MYO18B: variants seen among roughly 807,000 people sequenced by gnomAD.
MYO18B encodes myosin XVIIIB, also known as unconventional myosin-XVIIIb.
A neutral mutation model predicts 273.0 loss-of-function variants in MYO18B; 204 were observed. The ratio of observed to expected loss-of-function variants is 0.75; its 90% CI spans 0.67 to 0.84. The LOEUF (loss-of-function observed/expected upper bound fraction) is 0.84, where lower values mean the gene tolerates loss of function less well. Among genes scored for constraint, MYO18B ranks in the 40% least tolerant of loss-of-function variants. The pLI is 0.00. For synonymous variants in MYO18B, 1,330 were observed against 1,305.7 expected (o/e 1.02, Z -0.40); for missense variants, 3,212 against 3,287.6 (o/e 0.98, Z 0.56).
At chr22:25,879,011 A>G (rs1437598176) in intron 25 of MYO18B, among the ~76,000 whole-genome samples, 1 of 152,284 alleles carries the variant, frequency 6.6e-6, no homozygotes, top group African/African-American at 2.4e-5. Flanking sequence ...ACAGAACAGT[A>G]GGTGAATATG....
chr22:25,997,500 A>C (rs1381214099), intron 40 of MYO18B, among the ~76,000 whole-genome samples: 1 of 152,092 alleles, frequency 6.6e-6, no homozygotes, highest in African/African-American at 2.4e-5. Flanking sequence ...CCTAATTCTC[A>C]GCAGGCCTTG....
Position 25,809,749 on chromosome 22 carries a change from C to T in MYO18B, c.2521+11652C>T, listed in dbSNP as rs565558893. The stretch of plus-strand genomic sequence containing the variant: ...AGTCCCACACAGAACTGGGATACCC[C>T]GACACCAGTAGCAAGGACGGTCCAT... On this transcript the variant is annotated intron_variant, in intron 12 of 43. Transcript: ENST00000335473. Among the ~76,000 whole-genome samples, 11 of 152,142 alleles carry T rather than the reference C, an allele frequency of 7.2e-5. No homozygotes were observed. In the South Asian group the frequency reaches 2.1e-3, roughly 29 times the overall value.
At chr22:25,835,261 C>G (rs1326029862) in intron 16 of MYO18B, 35 bp from the exon 17 acceptor site, 12 of 1,603,724 alleles carry the variant, frequency 7.5e-6, no homozygotes, top group Non-Finnish European at 1.0e-5. Context: ...TGATGGGTAT[C>G]AGGGCCCTTC....
intron 34 of MYO18B, among the ~76,000 whole-genome samples, chr22:25,934,588 A>T (rs188689057): frequency 6.6e-6 from 1 of 152,178 alleles, no homozygotes; most frequent in African/African-American, 2.4e-5. Flanking sequence ...GCTTGGTTTT[A>T]TACATTTTAG....
intron 27 of MYO18B, among the ~76,000 whole-genome samples, chr22:25,892,842 G>A (rs1007024514): frequency 4.6e-5 from 7 of 152,154 alleles, no homozygotes; most frequent in Admixed American, 1.3e-4. Context: ...GACAGTCTCT[G>A]GCCTTGGAGG....
chr22:25,751,472 C>T (rs6004753), intron 1 of MYO18B, among the ~76,000 whole-genome samples: 6,970 of 152,258 alleles, frequency 0.046, 518 homozygotes, highest in African/African-American at 0.15. Context: ...ACATAGGGCA[C>T]GTCTGAGGCT....
chr22:25,902,748 G>T lies in MYO18B; in HGVS notation c.4947+12G>T. ...AGCAGCAGCTGAAGGTAAGGGATGG[G>T]GGACACAGAGCTATCTTGGCTCTTG... On this transcript the variant is annotated intron_variant, in intron 30 of 43. Coordinates refer to ENST00000335473, the MANE Select transcript of MYO18B (RefSeq NM_032608.7). 1 of 1,571,094 alleles carries T rather than the reference G, an allele frequency of 6.4e-7. No individual in the cohort carries two copies. The highest frequency in any genetic ancestry group is 1.2e-5 in the South Asian group (1 of 85,338).
At chr22:25,911,787 A>T (rs1028503698) in intron 33 of MYO18B, among the ~76,000 whole-genome samples, 1 of 152,164 alleles carries the variant, frequency 6.6e-6, no homozygotes, top group African/African-American at 2.4e-5. Context: ...CACTACTGAG[A>T]ACTGTTGCTG....
intron 40 of MYO18B, among the ~76,000 whole-genome samples, chr22:26,001,632 A>C (rs939033481): frequency 1.3e-5 from 2 of 152,216 alleles, no homozygotes; most frequent in African/African-American, 4.8e-5. Flanking sequence ...AAGCCATGGG[A>C]TAGGGAACCC....
chr22:25,891,480 A>G, intron 27 of MYO18B, 68 bp downstream of exon 27: 1 of 1,079,030 alleles, frequency 9.3e-7, no homozygotes, highest in Middle Eastern at 2.2e-4. Flanking sequence ...TTATTCAGTC[A>G]CTCATAGAGC....
the MYO18B span, among the ~76,000 whole-genome samples, chr22:26,052,796 TTTTTTTTTTTGG>T: frequency 1.4e-5 from 2 of 142,240 alleles, no homozygotes; most frequent in African/African-American, 5.2e-5. Flanking sequence ...AATTGGGTGG[TTTTTTTTTTTGG>T]TTTTTTTTTT....
chr22:25,861,209 T>G (rs2090725161), intron 21 of MYO18B, among the ~76,000 whole-genome samples: 1 of 152,160 alleles, frequency 6.6e-6, no homozygotes, highest in Admixed American at 6.5e-5. Context: ...TGTTTAATTG[T>G]TCTGTAAATT....
chr22:25,947,903 G>A, intron 36 of MYO18B, 75 bp downstream of exon 36: 2 of 1,080,048 alleles, frequency 1.9e-6, no homozygotes, highest in South Asian at 1.3e-5. Context: ...AGAAGGTGAT[G>A]TGGTTGGACT....
At chr22:25,893,824 C>T (rs1437629276) in intron 27 of MYO18B, among the ~76,000 whole-genome samples, 4 of 151,662 alleles carry the variant, frequency 2.6e-5, no homozygotes, top group African/African-American at 9.7e-5. Flanking sequence ...TCCATTTATC[C>T]ATCTGCCCAT....
chr22:25,975,322 C>T (rs926799624), intron 39 of MYO18B, among the ~76,000 whole-genome samples: 4 of 152,098 alleles, frequency 2.6e-5, no homozygotes, highest in Admixed American at 1.3e-4. Flanking sequence ...AAAGGAAGAT[C>T]GCAAAAGTGT....
chr22:25,955,681 T>A (rs1601680970), intron 39 of MYO18B, among the ~76,000 whole-genome samples: 1 of 152,170 alleles, frequency 6.6e-6, no homozygotes, highest in South Asian at 2.1e-4. Flanking sequence ...GAAGGCCTCA[T>A]ACAAAAGAGG....
chr22:26,024,442 A>G (rs1397058598), intron 42 of MYO18B, among the ~76,000 whole-genome samples: 1 of 152,150 alleles, frequency 6.6e-6, no homozygotes, highest in Non-Finnish European at 1.5e-5. Flanking sequence ...AGCGTCCTGG[A>G]GCAGCATGAG....
downstream of MYO18B, among the ~76,000 whole-genome samples, chr22:26,033,920 C>CCTTT (rs1030978721): frequency 1.4e-5 from 2 of 145,616 alleles, no homozygotes; most frequent in Non-Finnish European, 3.0e-5. Flanking sequence ...TTCCTTCTTT[C>CCTTT]CTTTCTTTCT....
intron 36 of MYO18B, among the ~76,000 whole-genome samples, chr22:25,950,137 A>G (rs1486098049): frequency 6.6e-6 from 1 of 152,178 alleles, no homozygotes; most frequent in Non-Finnish European, 1.5e-5. Context: ...AATGCTGGAC[A>G]GTGGACCAAA....
Sources: allele counts gnomAD v4.1 joint callset (sites outside exome capture counted in the v4.1 genomes callset), GRCh38; gene constraint gnomAD v4.1.1; transcripts MANE v1.5; gene names NCBI Gene and HGNC (gene_info 2026-07-23, HGNC 2026-07-21).